Variants in BFSP1 observed in about 807,000 individuals in gnomAD.
BFSP1 encodes the protein filensin.
A neutral mutation model predicts 43.9 loss-of-function variants in BFSP1; 38 were observed. The observed-to-expected ratio is 0.87, with a 90% CI of 0.67 to 1.14. The LOEUF (loss-of-function observed/expected upper bound fraction) is 1.14. Among genes scored for constraint, BFSP1 ranks in the 50% most tolerant of loss-of-function variants. The pLI is 0.00. For missense variants in BFSP1, 850 were observed against 875.1 expected, an observed-to-expected ratio of 0.97 and a Z score of 0.36; for synonymous variants, 352 against 354.8, an observed-to-expected ratio of 0.99 and a Z score of 0.09.
intron 1 of BFSP1, 24 bp from the exon 2 acceptor site, chr20:17,524,932 G>A (rs756500365): frequency 1.3e-6 from 2 of 1,597,064 alleles, no homozygotes; most frequent in Non-Finnish European, 1.7e-6. Context: ...ACATAAGTGA[G>A]AGTTGGGTAA....
intron 5 of BFSP1, among the ~76,000 whole-genome samples, chr20:17,503,329 A>C (rs991587178): frequency 2.0e-5 from 3 of 152,220 alleles, no homozygotes; most frequent in Non-Finnish European, 4.4e-5. Context: ...AGCACCTATA[A>C]TCTCTCACTT....
chr20:17,528,790 T>C (rs1207664946), intron 1 of BFSP1, among the ~76,000 whole-genome samples: 1 of 152,150 alleles, frequency 6.6e-6, no homozygotes, highest in Non-Finnish European at 1.5e-5. Context: ...AATCAATAAA[T>C]GTGATTTGAT....
At position 17,507,815 on chromosome 20, in the gene BFSP1, C is replaced by T. The variant is rs777134519; in HGVS notation, c.735+1074G>A. Among the ~76,000 whole-genome samples the T allele has an allele frequency of 9.2e-5, 14 of 152,148 alleles. No homozygotes were observed. Among genetic ancestry groups the T allele is most frequent in the Non-Finnish European group, 1.3e-4 (9 of 68,046 alleles). On this transcript the variant is annotated intron_variant, in intron 5 of 7. Coordinates refer to ENST00000377873, the MANE Select transcript of BFSP1 (RefSeq NM_001195.5). The surrounding 1 kb of genome is among the most constrained non-coding windows in gnomAD (Gnocchi z 4.4). ...GTGCCTTACTTGGTTCCTCCTGCTG[C>T]GATCGTCAGTTCAGGGGACCACCAC...
intron 2 of BFSP1, among the ~76,000 whole-genome samples, chr20:17,523,960 A>C (rs960160579): frequency 1.3e-5 from 2 of 152,140 alleles, no homozygotes; most frequent in Non-Finnish European, 2.9e-5. Flanking sequence ...AAAGAAGCCT[A>C]AAGCATACCT....
At chr20:17,556,833 T>C (rs2034999714) in intron 1 of BFSP1, among the ~76,000 whole-genome samples, 1 of 151,670 alleles carries the variant, frequency 6.6e-6, no homozygotes, top group African/African-American at 2.4e-5. Context: ...TTATTTTCTT[T>C]CTTAGACATT....
chr20:17,553,840 C>CATAT (rs201771585), intron 1 of BFSP1, among the ~76,000 whole-genome samples: 5 of 108,524 alleles, frequency 4.6e-5, no homozygotes, highest in Non-Finnish European at 8.8e-5. Context: ...TATATATACA[C>CATAT]ATATATATAC....
chr20:17,531,352 G>A lies in BFSP1; in HGVS notation c.-23C>T. ...CATGGCTGCTCTGGCGCGGGCGCGC[G>A]GGCGGCGCCGAGCCGGCTCTCCAGG... On this transcript the variant is annotated 5_prime_UTR_variant, in exon 1 of 8. Coordinates refer to ENST00000377873, the MANE Select transcript of BFSP1 (RefSeq NM_001195.5). 7 of 1,361,910 alleles carry A rather than the reference G, an allele frequency of 5.1e-6. No individual in the cohort carries two copies. Among genetic ancestry groups the A allele is most frequent in the Non-Finnish European group, 6.6e-6 (7 of 1,063,596 alleles). The allele number at this position is 1,361,910 out of a possible 1,614,324, so 84.4% of individuals were successfully genotyped here.
chr20:17,564,048 T>G (rs988182048), intron 1 of BFSP1, among the ~76,000 whole-genome samples: 5 of 151,914 alleles, frequency 3.3e-5, no homozygotes, highest in Non-Finnish European at 5.9e-5. Flanking sequence ...GTATAGAAAT[T>G]GGGGCCAGGT....
At chr20:17,527,012 C>T (rs1422886168) in intron 1 of BFSP1, among the ~76,000 whole-genome samples, 2 of 152,202 alleles carry the variant, frequency 1.3e-5, no homozygotes, top group Non-Finnish European at 2.9e-5. Flanking sequence ...GTCAAGTATT[C>T]TGCAACCATG....
intron 5 of BFSP1, 35 bp downstream of exon 5, chr20:17,508,854 A>T: frequency 6.7e-7 from 1 of 1,502,894 alleles, no homozygotes; most frequent in Non-Finnish European, 8.9e-7. Context: ...AACATGTGGG[A>T]AGCCCCAATG....
upstream of BFSP1, among the ~76,000 whole-genome samples, chr20:17,534,887 G>A (rs2034602199): frequency 6.6e-6 from 1 of 152,008 alleles, no homozygotes; most frequent in African/African-American, 2.4e-5. Context: ...GGACGTCGTG[G>A]CTTGTGCCTG....
At chr20:17,556,568 G>A (rs1307607873) in intron 1 of BFSP1, among the ~76,000 whole-genome samples, 1 of 151,984 alleles carries the variant, frequency 6.6e-6, no homozygotes, top group Non-Finnish European at 1.5e-5. Flanking sequence ...ACTATCTATT[G>A]ATCTATCTAT....
At chr20:17,497,554 GTA>G (rs148525418) in intron 6 of BFSP1, among the ~76,000 whole-genome samples, 1 of 46,554 alleles carries the variant, frequency 2.1e-5, no homozygotes, top group Non-Finnish European at 3.6e-5. Context: ...GTGTATATAT[GTA>G]TATGTGTGTG....
Position 17,494,146 on chromosome 20 carries a change from G to A in BFSP1, c.1926C>T (p.Thr642=), listed in dbSNP as rs6080717. ...STESIQTYEE[T]AVIVETMIGK... ...CAATCATGGTCTCCACGATCACAGCGGTTTCTTCATATGTCTGAATGCTCT... is the reference window on the plus strand; with the variant it reads ...CAATCATGGTCTCCACGATCACAGCAGTTTCTTCATATGTCTGAATGCTCT... Residue 642 remains threonine (T), a synonymous_variant, in exon 8 of 8, where the codon ACC becomes ACT. Transcript: ENST00000377873. 438,548 of 1,613,746 alleles carry A rather than the reference G, an allele frequency of 0.27. 61,767 individuals are homozygous for A. Among genetic ancestry groups the A allele is most frequent in the Non-Finnish European group, 0.29 (343,115 of 1,179,870 alleles).
At chr20:17,567,793 G>A (rs569264441) in intron 1 of BFSP1, among the ~76,000 whole-genome samples, 43 of 151,730 alleles carry the variant, frequency 2.8e-4, no homozygotes, top group African/African-American at 9.7e-4. Context: ...CCCGAGAGGC[G>A]GAGGTTGCAG....
At chr20:17,520,207 C>CGT (rs1228245121) in intron 2 of BFSP1, among the ~76,000 whole-genome samples, 3 of 139,110 alleles carry the variant, frequency 2.2e-5, no homozygotes, top group African/African-American at 8.0e-5. Context: ...TGGGTTTTAA[C>CGT]GTGCCCCCCC....
rs541077387 is a variant in BFSP1, at chr20:17,558,783, T to C, written c.-94A>G. 4.1e-5 allele frequency: 62 copies of C among 1,529,184 alleles called. 1 individual carries two copies. In the South Asian group the frequency reaches 7.3e-4, roughly 18 times the overall value. The allele number at this position is 1,529,184 out of a possible 1,614,324, so 94.7% of individuals were successfully genotyped here. A position where few individuals can be genotyped will look rare whatever the true frequency, so the allele number is the denominator to read the frequency against. ...TGCCTGCTGCCTGAGGTACCCTGCC[T>C]ACCCAGGACTCCAAAACCCTCTCCA... On this transcript the variant is annotated 5_prime_UTR_variant, in exon 1 of 8. Coordinates refer to the BFSP1 transcript ENST00000377868.
upstream of BFSP1, chr20:17,560,820 G>A (rs1025708131): frequency 3.9e-5 from 6 of 152,148 alleles, no homozygotes; most frequent in African/African-American, 1.4e-4. Flanking sequence ...GGAAAAATGA[G>A]TCCCAACCAG....
chr20:17,529,427 T>G (rs1271088918), intron 1 of BFSP1, among the ~76,000 whole-genome samples: 1 of 152,096 alleles, frequency 6.6e-6, no homozygotes, highest in Admixed American at 6.6e-5. Context: ...GTTAAAAGTC[T>G]CCTTCCCACC....
Sources: allele counts gnomAD v4.1 joint callset (sites outside exome capture counted in the v4.1 genomes callset), GRCh38; gene constraint gnomAD v4.1.1; non-coding constraint Gnocchi (gnomAD v3.1); transcripts MANE v1.5; gene names NCBI Gene and HGNC (gene_info 2026-07-23, HGNC 2026-07-21).